C10orf90: variants seen among roughly 807,000 people sequenced by gnomAD.
The protein encoded by C10orf90 is chromosome 10 open reading frame 90.
A neutral mutation model predicts 62.5 loss-of-function variants in C10orf90; 56 were observed. The observed-to-expected ratio is 0.90, with a 90% CI of 0.72 to 1.12. C10orf90 has a LOEUF of 1.12. Ranked by LOEUF, C10orf90 falls within the 50% of genes most tolerant of loss-of-function variation. C10orf90 has a pLI of 0.00. For missense variants in C10orf90, 970 were observed against 880.4 expected (o/e 1.10, Z -1.29); for synonymous variants, 386 against 340.4 (o/e 1.13, Z -1.47).
At chr10:126,429,164 C>T (rs1857429367) in intron 8 of C10orf90, among the ~76,000 whole-genome samples, 1 of 152,068 alleles carries the variant, frequency 6.6e-6, no homozygotes, top group African/African-American at 2.4e-5. Flanking sequence ...GGTTAAGAGG[C>T]CAGATCTCAG....
chr10:126,504,394 T>C lies in C10orf90; in HGVS notation c.1097A>G (p.Lys366Arg), dbSNP rs1193699734. ...QCPDSIYYVD[K>R]SLSVPIEPPQ... The stretch of plus-strand genomic sequence containing the variant: ...TGGCTCAATGGGGACGGAGAGAGAC[T>C]TGTCTACGTAATAGATTGAATCTGG... The change falls in exon 4 of 10, where the codon AAG becomes AGG. Residue 366 changes from lysine to arginine, a missense_variant. Transcript: ENST00000488181. The surrounding 1 kb of genome is among the most constrained non-coding windows in gnomAD (Gnocchi z 4.1). 3 of 1,614,184 alleles carry C rather than the reference T, an allele frequency of 1.9e-6. No individual in the cohort carries two copies. Among genetic ancestry groups the C allele is most frequent in the Admixed American group, 3.3e-5 (2 of 60,032 alleles).
chr10:126,594,851 A>G (rs1212939680), intron 2 of C10orf90, among the ~76,000 whole-genome samples: 3 of 152,108 alleles, frequency 2.0e-5, no homozygotes, highest in Non-Finnish European at 2.9e-5. Flanking sequence ...AGAGGAGGTG[A>G]AAAAAGAAGG....
intron 7 of C10orf90, among the ~76,000 whole-genome samples, chr10:126,435,730 A>G (rs1857874429): frequency 6.6e-6 from 1 of 152,080 alleles, no homozygotes; most frequent in South Asian, 2.1e-4. Flanking sequence ...ATGCTGCTCT[A>G]TCTCTTGGAT....
At position 126,464,828 on chromosome 10, in the gene C10orf90, G is replaced by A. The variant is rs1004386819; in HGVS notation, c.1693C>T (p.Pro565Ser). The change falls in exon 5 of 10, where the codon CCC becomes TCC. Residue 565 changes from proline (P) to serine (S), a missense_variant. Transcript: ENST00000488181. ...DDCLSRDLSE[P>S]TERRHQSFLK... is the part of the protein sequence containing the mutation. ...AAGCTTTGATGTCGTCTCTCTGTGG[G>A]CTCAGAAAGGTCTCTAGACAGACAG... is the stretch of plus-strand genomic sequence containing the variant. The A allele has an allele frequency of 1.9e-6, 3 of 1,613,986 alleles. No homozygotes were observed. The highest frequency in any genetic ancestry group is 1.7e-5 in the Admixed American group (1 of 59,984).
intron 2 of C10orf90, among the ~76,000 whole-genome samples, chr10:126,547,947 G>T (rs797012291): frequency 6.6e-5 from 10 of 152,168 alleles, no homozygotes; most frequent in African/African-American, 2.4e-4. Flanking sequence ...AAGAGAAAAG[G>T]CTTACACTGA....
In C10orf90 at chr10:126,569,128, G is replaced by T. The variant is rs925914505; in HGVS notation, c.314-55189C>A. On this transcript the variant is annotated intron_variant, in intron 2 of 9. Transcript: ENST00000488181. ...GAGAAAGAGTCTGGGAGCAGTAGTG[G>T]GGGGTTTCAGGGAACCAAGGACACC... 5.3e-5 allele frequency among the ~76,000 whole-genome samples: 8 copies of T among 152,216 alleles called. No individual in the cohort carries two copies. In the East Asian group the frequency reaches 7.8e-4, roughly 15 times the overall value.
chr10:126,534,547 T>C (rs1429625321), intron 2 of C10orf90, among the ~76,000 whole-genome samples: 1 of 152,158 alleles, frequency 6.6e-6, no homozygotes, highest in African/African-American at 2.4e-5. Context: ...GGGAGTATCA[T>C]TGTTGTCATT....
intron 2 of C10orf90, among the ~76,000 whole-genome samples, chr10:126,624,812 TG>T (rs1380697607): frequency 6.6e-6 from 1 of 151,996 alleles, no homozygotes; most frequent in Non-Finnish European, 1.5e-5. Context: ...GCCCCCACAG[TG>T]GGGGGCAGGC....
At chr10:126,508,920 A>G (rs1862929168) in intron 3 of C10orf90, among the ~76,000 whole-genome samples, 1 of 152,164 alleles carries the variant, frequency 6.6e-6, no homozygotes, top group Admixed American at 6.5e-5. Flanking sequence ...TCACCCTGGA[A>G]CAACAGGGAT....
chr10:126,512,396 G>T lies in C10orf90; in HGVS notation c.405+1452C>A, dbSNP rs1251273248. Among the ~76,000 whole-genome samples, 81 of 18,620 alleles carry T rather than the reference G, an allele frequency of 4.4e-3. No individual in the cohort carries two copies. The East Asian group carries it at 0.18, about 42-fold the overall frequency. The allele number at this position is 18,620 out of a possible 152,430, so 12.2% of individuals were successfully genotyped here. ...TCTGTGTGTGTGTGTCTGTGTGTGT[G>T]TGTGTGTCTGTGTGTCTGTGTGTGT... On this transcript the variant is annotated intron_variant, in intron 3 of 9. Coordinates refer to ENST00000488181, the MANE Select transcript of C10orf90 (RefSeq NM_001350921.2).
At chr10:126,440,357 C>G (rs1207766471) in intron 7 of C10orf90, among the ~76,000 whole-genome samples, 1 of 152,146 alleles carries the variant, frequency 6.6e-6, no homozygotes, top group Non-Finnish European at 1.5e-5. Flanking sequence ...GGAACCTCAT[C>G]CCCTATCCGC....
At position 126,425,896 on chromosome 10, in the gene C10orf90, G is replaced by C; in HGVS notation, c.2359C>G (p.Leu787Val). The C allele has an allele frequency of 6.2e-7, 1 of 1,614,132 alleles. No homozygotes were observed. The highest frequency in any genetic ancestry group is 1.7e-5 in the Admixed American group (1 of 60,022). ...GCATTCCTTTGAAGGAGCTGGTCCA[G>C]TAATTGCTAGAGGAAAAGGGAAACA... ...LRAEVFKKQL[L>V]DQLLQRNAV Residue 787 changes from leucine to valine, a missense_variant, in exon 10 of 10, where the codon CTG becomes GTG. Physicochemically the swap from Leu to Val is conservative, Grantham distance 32. Coordinates refer to ENST00000488181, the MANE Select transcript of C10orf90 (RefSeq NM_001350921.2).
intron 2 of C10orf90, among the ~76,000 whole-genome samples, chr10:126,634,373 G>A (rs1268974601): frequency 6.6e-6 from 1 of 152,120 alleles, no homozygotes; most frequent in Non-Finnish European, 1.5e-5. Flanking sequence ...GACACAAAAG[G>A]ACCAATACTA....
rs201062277 is a variant in C10orf90, at chr10:126,535,223, T to TA, written c.314-21285dup. Among the ~76,000 whole-genome samples, 914 of 151,852 alleles carry TA rather than the reference T, an allele frequency of 6.0e-3. 10 individuals are homozygous for TA. The highest frequency in any genetic ancestry group is 0.021 in the African/African-American group (869 of 41,360). ...CAAAATTGTATTTTTTTTTCATTTT[T>TA]AAAAAATTTGTCAGCTGGGTGTGGT... is the stretch of plus-strand genomic sequence containing the variant. On this transcript the variant is annotated intron_variant, in intron 2 of 9. Transcript: ENST00000488181.
chr10:126,666,428 A>T (rs1846627945), intron 1 of C10orf90, among the ~76,000 whole-genome samples: 1 of 152,174 alleles, frequency 6.6e-6, no homozygotes, highest in Admixed American at 6.5e-5. Context: ...AAGAAGCATG[A>T]CCCATAATCA....
chr10:126,664,404 T>C (rs1846583090), intron 1 of C10orf90, among the ~76,000 whole-genome samples: 1 of 152,120 alleles, frequency 6.6e-6, no homozygotes, highest in Admixed American at 6.5e-5. Context: ...CTTAACCCTT[T>C]ATATAGGTTA....
intron 2 of C10orf90, among the ~76,000 whole-genome samples, chr10:126,555,254 T>TAAA: frequency 6.6e-6 from 1 of 152,206 alleles, no homozygotes; most frequent in Non-Finnish European, 1.5e-5. Flanking sequence ...TGGGCTTTGG[T>TAAA]AGCAGAGGGG....
intron 7 of C10orf90, among the ~76,000 whole-genome samples, chr10:126,442,653 A>G (rs1340542019): frequency 1.7e-5 from 1 of 57,498 alleles, no homozygotes; most frequent in South Asian, 5.0e-4. Flanking sequence ...ATATATATAT[A>G]TATATATATA....
chr10:126,489,730 C>A (rs190664800), intron 4 of C10orf90, among the ~76,000 whole-genome samples: 2 of 151,196 alleles, frequency 1.3e-5, no homozygotes, highest in Admixed American at 1.3e-4. Flanking sequence ...GGGGCATATA[C>A]CCCAAAGAAT....
Sources: allele counts gnomAD v4.1 joint callset (sites outside exome capture counted in the v4.1 genomes callset), GRCh38; gene constraint gnomAD v4.1.1; non-coding constraint Gnocchi (gnomAD v3.1); transcripts MANE v1.5; gene names NCBI Gene and HGNC (gene_info 2026-07-23, HGNC 2026-07-21).